TBC1D14: variants seen among roughly 807,000 people sequenced by gnomAD.
The protein encoded by TBC1D14 is TBC1 domain family member 14, also known as TBC1 domain family, member 14.
In TBC1D14, 26 loss-of-function variants were observed where a neutral mutation model predicts 79.0. The observed-to-expected ratio is 0.33, with a 90% CI of 0.24 to 0.46. The LOEUF is 0.46. Among genes scored for constraint, TBC1D14 ranks in the 20% least tolerant of loss-of-function variants. TBC1D14 has a pLI of 1.00. For missense variants in TBC1D14, 769 were observed against 887.6 expected (o/e 0.87, Z 1.70); for synonymous variants, 394 against 349.9 (o/e 1.13, Z -1.40).
intron 12 of TBC1D14, among the ~76,000 whole-genome samples, chr4:7,021,762 C>T (rs948464226): frequency 3.3e-5 from 5 of 151,860 alleles, no homozygotes; most frequent in African/African-American, 9.7e-5. Flanking sequence ...GGAGGCAAAA[C>T]GTAAACATCT....
chr4:6,948,452 A>G (rs1713694401), intron 2 of TBC1D14, among the ~76,000 whole-genome samples: 1 of 152,058 alleles, frequency 6.6e-6, no homozygotes, highest in Non-Finnish European at 1.5e-5. Flanking sequence ...TTTCGGCTGT[A>G]TGGGTATCCC....
In TBC1D14 at chr4:6,927,485, G is replaced by A. The variant is rs191763025; in HGVS notation, c.722+3374G>A. ...CATTTAACTTCTTGGCACTCCGGAA[G>A]TAGTAGCTTTCTGTGGTTCTAACAG... On this transcript the variant is annotated intron_variant, in intron 2 of 13. Coordinates refer to ENST00000409757, the MANE Select transcript of TBC1D14 (RefSeq NM_020773.3). Among the ~76,000 whole-genome samples the A allele has an allele frequency of 8.5e-4, 130 of 152,374 alleles. 1 individual carries two copies. The highest frequency in any genetic ancestry group is 3.0e-3 in the African/African-American group (126 of 41,584).
chr4:6,921,089 A>T (rs540804257), intron 1 of TBC1D14, among the ~76,000 whole-genome samples: 1 of 152,278 alleles, frequency 6.6e-6, no homozygotes, highest in African/African-American at 2.4e-5. Flanking sequence ...CATTTTAAAG[A>T]AAAATAAAAG....
Position 7,006,659 on chromosome 4 carries a change from A to G in TBC1D14, c.1379A>G (p.Glu460Gly). 1 of 1,614,030 alleles carries G rather than the reference A, an allele frequency of 6.2e-7. No homozygotes were observed. ...EDAGFSAADREASLELIKLDI... is the reference protein window; with the variant it reads ...EDAGFSAADRGASLELIKLDI... ...GCTGGTTTTTCAGCAGCAGACAGAG[A>G]AGCCAGTCTGGAGCTTATTAAACTG... The change falls in exon 9 of 14, where the codon GAA becomes GGA. Residue 460 changes from glutamate (E) to glycine (G), a missense_variant. By Grantham distance (98) the Glu-to-Gly change is moderately conservative. Transcript: ENST00000409757.
intron 11 of TBC1D14, among the ~76,000 whole-genome samples, chr4:7,012,743 G>A (rs1175440391): frequency 6.6e-6 from 1 of 152,130 alleles, no homozygotes; most frequent in Non-Finnish European, 1.5e-5. Flanking sequence ...TTTGAATGAT[G>A]GATTAATAGT....
chr4:6,970,567 A>G (rs1716131041), intron 3 of TBC1D14, among the ~76,000 whole-genome samples: 1 of 152,276 alleles, frequency 6.6e-6, no homozygotes, highest in African/African-American at 2.4e-5. Flanking sequence ...CTTGGCCAAC[A>G]AGTACTGAGC....
chr4:6,920,667 G>C (rs976246507), intron 1 of TBC1D14, among the ~76,000 whole-genome samples: 1 of 152,190 alleles, frequency 6.6e-6, no homozygotes, highest in Admixed American at 6.5e-5. Context: ...TGCTTTTCTT[G>C]TGGTACTTGA....
intron 11 of TBC1D14, among the ~76,000 whole-genome samples, chr4:7,011,738 A>G (rs1323440145): frequency 6.6e-6 from 1 of 151,386 alleles, no homozygotes; most frequent in Non-Finnish European, 1.5e-5. Context: ...TTGTATTTTT[A>G]GTAGAGATGG....
intron 3 of TBC1D14, among the ~76,000 whole-genome samples, chr4:6,987,998 C>G (rs1718057195): frequency 6.6e-6 from 1 of 152,186 alleles, no homozygotes. Flanking sequence ...GAACCCAGGC[C>G]AGAGGAACCA....
intron 2 of TBC1D14, among the ~76,000 whole-genome samples, chr4:6,946,554 C>T (rs770875006): frequency 3.9e-5 from 6 of 152,162 alleles, no homozygotes; most frequent in Non-Finnish European, 8.8e-5. Context: ...AACTCCTAAC[C>T]TTGTGATCCA....
intron 13 of TBC1D14, among the ~76,000 whole-genome samples, chr4:7,027,934 C>A (rs1722619021): frequency 6.9e-6 from 1 of 145,552 alleles, no homozygotes; most frequent in African/African-American, 2.6e-5. Context: ...CACACAGTTA[C>A]CCACACGCAC....
intron 1 of TBC1D14, among the ~76,000 whole-genome samples, chr4:6,912,053 C>T (rs1237429714): frequency 2.6e-5 from 4 of 152,162 alleles, no homozygotes; most frequent in East Asian, 3.9e-4. Context: ...GTTACAGGAA[C>T]GCACCACCAT....
chr4:6,923,743 C>G lies in TBC1D14; in HGVS notation c.354C>G (p.Thr118=). 6.2e-7 allele frequency: 1 copy of G among 1,613,992 alleles called. No homozygotes were observed. The highest frequency in any genetic ancestry group is 8.5e-7 in the Non-Finnish European group (1 of 1,180,050). ...GTGCGCCACCAGCTCCTAGCAGCAC[C>G]GAGCGGGAACAGAGCGTGCGCAAAT... ...PSCAPPAPSS[T]EREQSVRKSS... is the part of the protein sequence containing the mutation. Residue 118 remains threonine (T), a synonymous_variant, in exon 2 of 14, where the codon ACC becomes ACG. Transcript: ENST00000409757.
At chr4:6,953,647 A>AAAAAAAAAAAAAAT (rs1714326701) in intron 2 of TBC1D14, among the ~76,000 whole-genome samples, 1 of 150,342 alleles carries the variant, frequency 6.7e-6, no homozygotes, top group African/African-American at 2.4e-5. Flanking sequence ...AAAAAAAAAA[A>AAAAAAAAAAAAAAT]AAAAGAATAG....
At chr4:6,938,327 G>A (rs371479180) in intron 2 of TBC1D14, among the ~76,000 whole-genome samples, 126 of 152,270 alleles carry the variant, frequency 8.3e-4, no homozygotes, top group African/African-American at 2.9e-3. Context: ...GCCCTTGGGT[G>A]GACATAACCT....
intron 12 of TBC1D14, among the ~76,000 whole-genome samples, chr4:7,016,741 A>G (rs1222530607): frequency 6.6e-6 from 1 of 152,200 alleles, no homozygotes; most frequent in East Asian, 1.9e-4. Flanking sequence ...TATTTATTCC[A>G]AAAAATGCTG....
chr4:7,018,213 C>T (rs997578813), intron 12 of TBC1D14, among the ~76,000 whole-genome samples: 1 of 152,228 alleles, frequency 6.6e-6, no homozygotes, highest in Non-Finnish European at 1.5e-5. Context: ...CTGCACTGTG[C>T]CTGGCGGGGT....
At chr4:6,973,414 A>G (rs751719577) in intron 3 of TBC1D14, among the ~76,000 whole-genome samples, 14 of 152,232 alleles carry the variant, frequency 9.2e-5, no homozygotes, top group Non-Finnish European at 1.9e-4. Flanking sequence ...CACTTTCATT[A>G]TCCCTTACGC....
intron 2 of TBC1D14, among the ~76,000 whole-genome samples, chr4:6,959,939 C>T (rs975460325): frequency 6.6e-6 from 1 of 152,138 alleles, no homozygotes; most frequent in Admixed American, 6.5e-5. Flanking sequence ...ATTTCATTTT[C>T]TAATGGCAGA....
Sources: allele counts gnomAD v4.1 joint callset (sites outside exome capture counted in the v4.1 genomes callset), GRCh38; gene constraint gnomAD v4.1.1; transcripts MANE v1.5; gene names NCBI Gene and HGNC (gene_info 2026-07-23, HGNC 2026-07-21).